The following IGF2R variants were observed in gnomAD, a reference collection of about 807,000 sequenced individuals.
The protein encoded by IGF2R is insulin like growth factor 2 receptor.
In IGF2R, 91 loss-of-function variants were observed where a neutral mutation model predicts 270.6. That is an observed-to-expected ratio of 0.34 (90% CI 0.28 to 0.40). The LOEUF (loss-of-function observed/expected upper bound fraction) is 0.40. Among genes scored for constraint, IGF2R ranks in the 10% least tolerant of loss-of-function variants. IGF2R has a pLI of 1.00. For synonymous variants in IGF2R, 1,316 were observed against 1,258.9 expected, an observed-to-expected ratio of 1.05 and a Z score of -0.96; for missense variants, 2,805 against 3,188.3, an observed-to-expected ratio of 0.88 and a Z score of 2.90.
rs562537958 is a variant in IGF2R, at chr6:160,057,978, A to G, written c.2797-45A>G. The G allele has an allele frequency of 6.2e-6, 7 of 1,133,474 alleles. No individual in the cohort carries two copies. The South Asian group carries it at 8.6e-5, about 14-fold the overall frequency. 70.2% of individuals were successfully genotyped at this position (1,133,474 alleles called of 1,614,324 possible). ...CTGTATGTATGTTATGTTCCTGTGG[A>G]ATTGGTTTGAATGCGCCCCTTTTTC... On this transcript the variant is annotated intron_variant, in intron 20 of 47. Transcript: ENST00000356956.
intron 4 of IGF2R, among the ~76,000 whole-genome samples, chr6:160,021,851 T>C (rs1318067367): frequency 6.6e-6 from 1 of 152,178 alleles, no homozygotes; most frequent in Non-Finnish European, 1.5e-5. Flanking sequence ...AAAATAGAAC[T>C]ACCATTTGAC....
chr6:160,077,332 G>A (rs1258097686), intron 36 of IGF2R, among the ~76,000 whole-genome samples: 1 of 152,152 alleles, frequency 6.6e-6, no homozygotes, highest in Non-Finnish European at 1.5e-5. Flanking sequence ...CTTGCGGGGG[G>A]CTTCTGCATT....
Position 160,104,690 on chromosome 6 carries a change from A to G in IGF2R, c.7082A>G (p.Glu2361Gly). ...CCCTGGCAGGTGAATAAGGAAGAAG[A>G]GACAGATGAGAATGAAACAGAGTGG... ...YKYSKVNKEE[E>G]TDENETEWLM... The change falls in exon 48 of 48, where the codon GAG (glutamate) becomes GGG (glycine). Residue 2361 changes from glutamate (E) to glycine (G), a missense_variant. By Grantham distance (98) the Glu-to-Gly change is moderately conservative (BLOSUM62 -2). Coordinates refer to ENST00000356956, the MANE Select transcript of IGF2R (RefSeq NM_000876.4). 1 of 1,613,356 alleles carries G rather than the reference A, an allele frequency of 6.2e-7. No individual in the cohort carries two copies. The highest frequency in any genetic ancestry group is 8.5e-7 in the Non-Finnish European group (1 of 1,179,618).
chr6:160,063,920 C>A (rs972964319), intron 27 of IGF2R, among the ~76,000 whole-genome samples: 6 of 152,126 alleles, frequency 3.9e-5, no homozygotes, highest in African/African-American at 1.4e-4. Context: ...AGTGAGCTAG[C>A]CAGTGTTGGA....
At chr6:160,011,787 C>T (rs1159279584) in intron 4 of IGF2R, among the ~76,000 whole-genome samples, 4 of 152,096 alleles carry the variant, frequency 2.6e-5, no homozygotes, top group South Asian at 2.1e-4. Context: ...TGCCGCTTCT[C>T]CATGCCCACC....
At position 159,998,520 on chromosome 6, in the gene IGF2R, G is replaced by C. The variant is rs776468339; in HGVS notation, c.289+7197G>C. On this transcript the variant is annotated intron_variant, in intron 2 of 47. Transcript: ENST00000356956. This position sits in a 1 kb window ranked among gnomAD's most constrained non-coding sequence, Gnocchi z 4.1. Reference sequence around the variant, plus strand: ...AAGGTGTTTTTAGGAAGCTGGCCCCGTGGAATAGGAAACGATGCCTACAGG... The same window carrying C: ...AAGGTGTTTTTAGGAAGCTGGCCCCCTGGAATAGGAAACGATGCCTACAGG... 1.4e-4 allele frequency among the ~76,000 whole-genome samples: 21 copies of C among 152,254 alleles called. No individual in the cohort carries two copies. The highest frequency in any genetic ancestry group is 5.1e-4 in the African/African-American group (21 of 41,544).
rs187552432 is a variant in IGF2R at position 160,084,429 on chromosome 6, G to T, written c.6068+245G>T. Among the ~76,000 whole-genome samples the T allele has an allele frequency of 2.0e-5, 3 of 152,326 alleles. No homozygotes were observed. Among genetic ancestry groups the T allele is most frequent in the Admixed American group, 2.0e-4 (3 of 15,306 alleles). On this transcript the variant is annotated intron_variant, in intron 40 of 47. Coordinates refer to ENST00000356956, the MANE Select transcript of IGF2R (RefSeq NM_000876.4). The surrounding 1 kb of genome is among the most constrained non-coding windows in gnomAD (Gnocchi z 4.6). Reference sequence around the variant, plus strand: ...ACTGGAAACGGAGCCTCTGGAGCTGGAAGAACCTGGGCGGACTGAGTTAGG... The same window carrying T: ...ACTGGAAACGGAGCCTCTGGAGCTGTAAGAACCTGGGCGGACTGAGTTAGG...
At chr6:159,984,182 C>T (rs1012472423) in intron 1 of IGF2R, among the ~76,000 whole-genome samples, 6 of 152,154 alleles carry the variant, frequency 3.9e-5, no homozygotes, top group Non-Finnish European at 7.4e-5. Flanking sequence ...ACATTAAAAA[C>T]GAGAAGAGAA....
intron 28 of IGF2R, 112 bp downstream of exon 28, chr6:160,064,643 G>A: frequency 1.6e-6 from 2 of 1,285,576 alleles, no homozygotes; most frequent in Non-Finnish European, 2.2e-6. Flanking sequence ...GGTTAACTGA[G>A]TTTAAAATAA....
chr6:160,082,853 G>A (rs1053369955), intron 39 of IGF2R, among the ~76,000 whole-genome samples: 3 of 152,234 alleles, frequency 2.0e-5, no homozygotes, highest in Non-Finnish European at 4.4e-5. Flanking sequence ...TGGGGAAGGC[G>A]TGCAGGAACG....
At position 160,089,242 on chromosome 6, in the gene IGF2R, T is replaced by C. The variant is rs193107580; in HGVS notation, c.6456T>C (p.Asp2152=). The C allele has an allele frequency of 1.8e-4, 288 of 1,606,074 alleles. 4 individuals are homozygous for C. In the South Asian group the frequency reaches 2.6e-3, roughly 15 times the overall value. Residue 2152 remains aspartate, a synonymous_variant, in exon 43 of 48, where the codon GAT becomes GAC. Transcript: ENST00000356956. ...ATGGCAAGAGCTTCAGCCTCGGAGA[T>C]ATTTATTTTAAGTAAGTAAAACGTT... is the stretch of plus-strand genomic sequence containing the variant. ...PINGKSFSLG[D]IYFKLFRASG... is the part of the protein sequence containing the mutation.
At chr6:160,019,034 T>A (rs1280220502) in intron 4 of IGF2R, among the ~76,000 whole-genome samples, 1 of 152,108 alleles carries the variant, frequency 6.6e-6, no homozygotes, top group African/African-American at 2.4e-5. Context: ...GTTGGTTCTT[T>A]GGAAAGATAA....
intron 44 of IGF2R, chr6:160,093,668 G>A: frequency 1.3e-6 from 1 of 750,012 alleles, no homozygotes; most frequent in Non-Finnish European, 2.5e-6. Context: ...GCAAACTCTG[G>A]CTCATTTCCA....
chr6:160,072,062 C>G, intron 32 of IGF2R, 26 bp downstream of exon 32: 1 of 1,613,650 alleles, frequency 6.2e-7, no homozygotes. Context: ...AGTCGTTAAC[C>G]CCAGCGCAGG....
Position 159,969,284 on chromosome 6 carries a change from C to G in IGF2R, c.38C>G (p.Pro13Arg). 2.5e-6 allele frequency: 3 copies of G among 1,183,706 alleles called. No individual in the cohort carries two copies. Among genetic ancestry groups the G allele is most frequent in the Non-Finnish European group, 3.1e-6 (3 of 958,554 alleles). 73.3% of individuals were successfully genotyped at this position (1,183,706 alleles called of 1,614,324 possible). A position where few individuals can be genotyped will look rare whatever the true frequency, so the allele number is the denominator to read the frequency against. ...GCCGGCCGGAGCCCCCACCTGGGGC[C>G]CGCGCCCGCCCGCCGCCCGCAGCGC... ...AAAGRSPHLG[P>R]APARRPQRSL... The change falls in exon 1 of 48, where the codon CCC becomes CGC. Residue 13 changes from proline (P) to arginine (R), a missense_variant. By Grantham distance (103) the Pro-to-Arg change is moderately radical. Around this residue, in one of 2 missense-constraint regions of IGF2R, gnomAD observed 954 missense variants for 981.1 expected, o/e 0.97. Transcript: ENST00000356956.
rs1472626277 is a variant in IGF2R at position 160,073,967 on chromosome 6, C to T, written c.5158C>T (p.Pro1720Ser). Residue 1720 changes from proline to serine, a missense_variant, in exon 35 of 48, where the codon CCC becomes TCC. Transcript: ENST00000356956. ...AAVCKVPIDG[P>S]PIDIGRVAGP... ...TGTGTGCAAAGTTCCTATTGATGGT[C>T]CCCCCATAGTAAGTATGACAAATCC... The T allele has an allele frequency of 2.5e-6, 4 of 1,608,622 alleles. No homozygotes were observed. The highest frequency in any genetic ancestry group is 1.1e-5 in the South Asian group (1 of 90,450).
At chr6:160,065,814 G>GTGTATGTATATATATATATATA in intron 29 of IGF2R, among the ~76,000 whole-genome samples, 6 of 78,390 alleles carry the variant, frequency 7.7e-5, no homozygotes, top group South Asian at 5.2e-4. Flanking sequence ...GTGTGTGTGT[G>GTGTATGTATATATATATATATA]TATATATATA....
At chr6:160,080,100 C>T (rs1562371155) in intron 38 of IGF2R, 29 bp from the exon 39 acceptor site, 1 of 1,611,464 alleles carries the variant, frequency 6.2e-7, no homozygotes. Flanking sequence ...GCACAGCTGC[C>T]ACACTGATAA....
At chr6:160,003,766 CAG>C (rs1226249976) in intron 2 of IGF2R, 3 of 151,846 alleles carry the variant, frequency 2.0e-5, no homozygotes, top group Admixed American at 6.6e-5. Context: ...GGGTGGGAGA[CAG>C]ATGAAAAAAG....
Sources: allele counts gnomAD v4.1 joint callset (sites outside exome capture counted in the v4.1 genomes callset), GRCh38; gene constraint gnomAD v4.1.1; regional missense constraint gnomAD v4.1.1; non-coding constraint Gnocchi (gnomAD v3.1); transcripts MANE v1.5; gene names NCBI Gene and HGNC (gene_info 2026-07-23, HGNC 2026-07-21).